Variants in PRDM15 observed in about 807,000 individuals in gnomAD.
The protein encoded by PRDM15 is PR/SET domain 15, also known as PR domain zinc finger protein 15.
A neutral mutation model predicts 128.6 loss-of-function variants in PRDM15; 64 were observed. The observed-to-expected ratio is 0.50, with a 90% CI of 0.41 to 0.61. The LOEUF (loss-of-function observed/expected upper bound fraction) is 0.61, where lower values mean the gene tolerates loss of function less well. Ranked by LOEUF, PRDM15 falls within the 20% of genes least tolerant of loss-of-function variation. The probability of loss-of-function intolerance (pLI) is 0.00; values close to 1 mark genes in which losing one functional copy is unlikely to be tolerated. For synonymous variants in PRDM15, 615 were observed against 621.8 expected (o/e 0.99, Z 0.16); for missense variants, 1,242 against 1,569.1 (o/e 0.79, Z 3.52).
At position 41,815,851 on chromosome 21, in the gene PRDM15, C is replaced by A. The variant is rs141772267; in HGVS notation, c.2261-15G>T. 6.2e-6 allele frequency: 10 copies of A among 1,611,646 alleles called. No individual in the cohort carries two copies. The Admixed American group carries it at 1.5e-4, about 24-fold the overall frequency. On this transcript the variant is annotated splice_polypyrimidine_tract_variant and intron_variant, in intron 18 of 23. Transcript: ENST00000398548. ...GGTCTTCATGCCTTCAAGGACACAGCGAGTCAGAGGCGGCCACACCCCCAC... is the reference window on the plus strand; with the variant it reads ...GGTCTTCATGCCTTCAAGGACACAGAGAGTCAGAGGCGGCCACACCCCCAC...
rs2064549724 is a variant in PRDM15, at chr21:41,879,191, C to T, written c.-10+79G>A. 2 of 723,162 alleles carry T rather than the reference C, an allele frequency of 2.8e-6. No individual in the cohort carries two copies. The highest frequency in any genetic ancestry group is 1.6e-6 in the Non-Finnish European group (1 of 608,700). 44.8% of individuals were successfully genotyped at this position (723,162 alleles called of 1,614,324 possible). On this transcript the variant is annotated intron_variant, in intron 1 of 23. Transcript: ENST00000398548. This position sits in a 1 kb window ranked among gnomAD's most constrained non-coding sequence, Gnocchi z 5.1. ...AGCGGGCCCAGGGCGCGCCGGGGCTCGCGGGGGCAGCGGGTGCGGCCCGGG... is the reference window on the plus strand; with the variant it reads ...AGCGGGCCCAGGGCGCGCCGGGGCTTGCGGGGGCAGCGGGTGCGGCCCGGG...
intron 7 of PRDM15, 88 bp downstream of exon 7, chr21:41,839,535 C>T: frequency 9.1e-7 from 1 of 1,093,472 alleles, no homozygotes; most frequent in Non-Finnish European, 1.4e-6. Flanking sequence ...TTTTCCCGCC[C>T]CGCCCTCTGC....
chr21:41,857,404 G>T (rs1045739415), intron 3 of PRDM15, 75 bp from the exon 4 acceptor site: 1 of 1,512,510 alleles, frequency 6.6e-7, no homozygotes, highest in Non-Finnish European at 9.1e-7. Context: ...TAACCTAAAA[G>T]CTCGCCCTCA....
chr21:41,809,290 T>C (rs2061784595), intron 21 of PRDM15, among the ~76,000 whole-genome samples: 1 of 150,268 alleles, frequency 6.7e-6, no homozygotes, highest in Admixed American at 6.7e-5. Flanking sequence ...TGGAGTGCAG[T>C]GGCGCAATCT....
At chr21:41,841,553 T>TA (rs146428711) in intron 6 of PRDM15, among the ~76,000 whole-genome samples, 179 of 146,294 alleles carry the variant, frequency 1.2e-3, no homozygotes, top group African/African-American at 3.1e-3. Context: ...GAACTAAAGT[T>TA]AAAAAAAAAA....
In PRDM15 at chr21:41,819,768, G is replaced by A. The variant is rs1170459410; in HGVS notation, c.2141-67C>T. On this transcript the variant is annotated intron_variant, in intron 17 of 23. Transcript: ENST00000398548. ...GACCTGCAGTGGCTGCAAAGAGGAT[G>A]CACCAAGGAGAGGGGCCCAGCCTCC... 4 of 1,536,208 alleles carry A rather than the reference G, an allele frequency of 2.6e-6. No homozygotes were observed. The African/African-American group carries it at 4.1e-5, about 16-fold the overall frequency.
rs1211346319 is a variant in PRDM15 at position 41,809,906 on chromosome 21, C to T, written c.2652+248G>A. Among the ~76,000 whole-genome samples, 3 of 152,272 alleles carry T rather than the reference C, an allele frequency of 2.0e-5. No individual in the cohort carries two copies. In the East Asian group the frequency reaches 5.8e-4, roughly 29 times the overall value. The stretch of plus-strand genomic sequence containing the variant: ...GTGGCAGGGCTGTGCTTCCATCTTG[C>T]CATAATTTCAGGGAGGACGTAATTT... On this transcript the variant is annotated intron_variant, in intron 21 of 23. Coordinates refer to ENST00000398548, the MANE Select transcript of PRDM15 (RefSeq NM_001040424.3).
intron 18 of PRDM15, 96 bp downstream of exon 18, chr21:41,819,486 C>CAA: frequency 1.5e-5 from 8 of 519,360 alleles, no homozygotes; most frequent in Non-Finnish European, 2.4e-5. Context: ...CACCCACCTT[C>CAA]CCCACACTCC....
intron 4 of PRDM15, 72 bp downstream of exon 4, chr21:41,857,099 TCCTTG>T: frequency 7.5e-7 from 1 of 1,334,446 alleles, no homozygotes; most frequent in Non-Finnish European, 1.1e-6. Context: ...AACTCAGTGG[TCCTTG>T]CTCCCCATTC....
intron 1 of PRDM15, among the ~76,000 whole-genome samples, chr21:41,873,013 C>T (rs771814370): frequency 2.0e-5 from 3 of 152,178 alleles, no homozygotes; most frequent in South Asian, 2.1e-4. Context: ...CCGCACCCTG[C>T]GATTGCGTCT....
At chr21:41,839,282 A>C (rs2062994140) in intron 7 of PRDM15, among the ~76,000 whole-genome samples, 1 of 152,210 alleles carries the variant, frequency 6.6e-6, no homozygotes, top group South Asian at 2.1e-4. Flanking sequence ...ATTCGTGAGA[A>C]ATTCCAGGAT....
At chr21:41,824,244 A>G (rs1473718359) in intron 13 of PRDM15, among the ~76,000 whole-genome samples, 1 of 152,210 alleles carries the variant, frequency 6.6e-6, no homozygotes, top group Non-Finnish European at 1.5e-5. Flanking sequence ...CGGCATCTCC[A>G]GGCGACATCT....
rs2062743033 is a variant in PRDM15, at chr21:41,832,864, G to A, written c.1366+2573C>T. On this transcript the variant is annotated intron_variant, in intron 11 of 23. Transcript: ENST00000398548. The surrounding 1 kb of genome is among the most constrained non-coding windows in gnomAD (Gnocchi z 4.2). ...GACCATGGAAAGAGAACCTACTTCAGGCCACTCCCCAGCTGTCCCGGACAA... is the reference window on the plus strand; with the variant it reads ...GACCATGGAAAGAGAACCTACTTCAAGCCACTCCCCAGCTGTCCCGGACAA... Among the ~76,000 whole-genome samples, 1 of 152,168 alleles carries A rather than the reference G, an allele frequency of 6.6e-6. No homozygotes were observed. The highest frequency in any genetic ancestry group is 2.1e-4 in the South Asian group (1 of 4,828).
In PRDM15 at chr21:41,821,259, G is replaced by A; in HGVS notation, c.1897-29C>T. ...CGGGCCAGGTGGACAGGGCACTGCT[G>A]ACACCCGCATGAGGTCCCTGGTCCT... On this transcript the variant is annotated intron_variant, in intron 15 of 23. Transcript: ENST00000398548. The surrounding 1 kb of genome is among the most constrained non-coding windows in gnomAD (Gnocchi z 5.4). The A allele has an allele frequency of 6.2e-7, 1 of 1,613,260 alleles. No individual in the cohort carries two copies. The highest frequency in any genetic ancestry group is 8.5e-7 in the Non-Finnish European group (1 of 1,179,790).
chr21:41,804,647 A>G, intron 21 of PRDM15, 33 bp from the exon 22 acceptor site: 1 of 1,508,082 alleles, frequency 6.6e-7, no homozygotes, highest in East Asian at 2.5e-5. Context: ...GCTGGGGGTC[A>G]GGGTGCTGCT....
At position 41,859,743 on chromosome 21, in the gene PRDM15, A is replaced by G; in HGVS notation, c.38-58T>C. On this transcript the variant is annotated intron_variant, in intron 2 of 23. Transcript: ENST00000398548. The surrounding 1 kb of genome is among the most constrained non-coding windows in gnomAD (Gnocchi z 5.3). The stretch of plus-strand genomic sequence containing the variant: ...AGGGAGGGAGACACCTAAAGAACAC[A>G]AACCTGGGAAATGGGGACCCTGGCC... The G allele has an allele frequency of 6.9e-7, 1 of 1,441,588 alleles. No homozygotes were observed. The highest frequency in any genetic ancestry group is 9.7e-7 in the Non-Finnish European group (1 of 1,035,524). The allele number at this position is 1,441,588 out of a possible 1,614,324, so 89.3% of individuals were successfully genotyped here.
In PRDM15 at chr21:41,868,694, C is replaced by CTTTT. The variant is rs55653735; in HGVS notation, c.-9-8326_-9-8323dup. Among the ~76,000 whole-genome samples the CTTTT allele has an allele frequency of 1.9e-3, 237 of 125,164 alleles. 8 individuals carry two copies. The highest frequency in any genetic ancestry group is 4.4e-3 in the South Asian group (17 of 3,868). 82.1% of individuals were successfully genotyped at this position (125,164 alleles called of 152,430 possible). A position where few individuals can be genotyped will look rare whatever the true frequency, so the allele number is the denominator to read the frequency against. On this transcript the variant is annotated intron_variant, in intron 1 of 23. Transcript: ENST00000398548. ...TTTGCCCATTTTCCTTTTTCTTTTT[C>CTTTT]TTTTTTTTTTTTTTTTGAGATGGAG...
At chr21:41,823,747 T>G (rs1034670625) in intron 13 of PRDM15, among the ~76,000 whole-genome samples, 2 of 152,230 alleles carry the variant, frequency 1.3e-5, no homozygotes, top group Non-Finnish European at 2.9e-5. Flanking sequence ...TTTAAATATT[T>G]CCCTAGGATG....
Position 41,835,429 on chromosome 21 carries a change from GC to G in PRDM15, c.1366+7del. 1 of 1,603,344 alleles carries G rather than the reference GC, an allele frequency of 6.2e-7. No homozygotes were observed. ...GCGGCCGAGGGGAGACGTGACCGGC[GC>G]CCTCACCTGTCCTGCAGTTGTGGAA... On this transcript the variant is annotated splice_region_variant and intron_variant, in intron 11 of 23. Coordinates refer to ENST00000398548, the MANE Select transcript of PRDM15 (RefSeq NM_001040424.3).
Sources: gnomAD v4.1 joint callset for allele counts (sites outside exome capture counted in the v4.1 genomes callset) on GRCh38, gnomAD v4.1.1 for gene constraint, Gnocchi (gnomAD v3.1) non-coding constraint, MANE v1.5 for transcripts, NCBI Gene and HGNC (gene_info 2026-07-23, HGNC 2026-07-21) for gene names.